CSMD1: variants seen among roughly 807,000 people sequenced by gnomAD.
CSMD1 encodes the protein CUB and sushi domain-containing protein 1.
In CSMD1, 213 loss-of-function variants were observed where a neutral mutation model predicts 417.5. The ratio of observed to expected loss-of-function variants is 0.51; its 90% CI spans 0.46 to 0.57. The LOEUF (loss-of-function observed/expected upper bound fraction) is 0.57. CSMD1 is among the 20% of genes least tolerant of loss of function. The probability of loss-of-function intolerance (pLI) is 0.00; values close to 1 mark genes in which losing one functional copy is unlikely to be tolerated. For missense variants in CSMD1, 6,923 were observed against 4,529.7 expected, an observed-to-expected ratio of 1.53 and a Z score of -15.17; for synonymous variants, 2,862 against 1,736.8, an observed-to-expected ratio of 1.65 and a Z score of -16.11.
intron 5 of CSMD1, among the ~76,000 whole-genome samples, chr8:3,905,334 C>T (rs187751823): frequency 1.6e-4 from 24 of 152,124 alleles, no homozygotes; most frequent in African/African-American, 5.3e-4. Context: ...ATCTTAAATC[C>T]AACATAAAAG....
intron 3 of CSMD1, among the ~76,000 whole-genome samples, chr8:4,284,678 T>C (rs530041137): frequency 6.6e-6 from 1 of 152,154 alleles, no homozygotes; most frequent in Non-Finnish European, 1.5e-5. Context: ...CACAACACTC[T>C]TGACAGATAT....
intron 25 of CSMD1, among the ~76,000 whole-genome samples, chr8:3,292,791 C>T (rs370757726): frequency 1.3e-5 from 2 of 152,078 alleles, no homozygotes; most frequent in Admixed American, 6.5e-5. Context: ...ATTTGCCAGT[C>T]TCTGTCTTTT....
At chr8:3,072,448 A>G (rs1363352836) in intron 49 of CSMD1, among the ~76,000 whole-genome samples, 2 of 152,210 alleles carry the variant, frequency 1.3e-5, no homozygotes, top group Non-Finnish European at 2.9e-5. Flanking sequence ...CAATATGCCA[A>G]GGAGGTATTA....
intron 3 of CSMD1, among the ~76,000 whole-genome samples, chr8:4,044,086 G>T (rs567615453): frequency 6.6e-6 from 1 of 152,114 alleles, no homozygotes; most frequent in African/African-American, 2.4e-5. Context: ...CCCATTGCTT[G>T]TCTCTGTGAT....
chr8:3,825,585 G>GC (rs1554450458), intron 5 of CSMD1, among the ~76,000 whole-genome samples: 1 of 151,774 alleles, frequency 6.6e-6, no homozygotes, highest in African/African-American at 2.4e-5. Context: ...ACCTAGAAGA[G>GC]TGGGGGAAGG....
intron 8 of CSMD1, among the ~76,000 whole-genome samples, chr8:3,601,904 G>C (rs1197825446): frequency 6.6e-6 from 1 of 152,150 alleles, no homozygotes; most frequent in Non-Finnish European, 1.5e-5. Flanking sequence ...CTGCCCTAGA[G>C]AGAGAGAGGG....
intron 3 of CSMD1, among the ~76,000 whole-genome samples, chr8:4,175,232 A>G (rs1797978271): frequency 1.3e-5 from 2 of 152,140 alleles, no homozygotes; most frequent in African/African-American, 2.4e-5. Flanking sequence ...TGATCTCACA[A>G]TGTCAACCAA....
intron 5 of CSMD1, among the ~76,000 whole-genome samples, chr8:3,816,281 G>T (rs1394801463): frequency 4.6e-5 from 7 of 152,156 alleles, no homozygotes; most frequent in African/African-American, 1.2e-4. Flanking sequence ...AAACTAGCCA[G>T]TTGTTCCTCA....
At position 3,534,011 on chromosome 8, in the gene CSMD1, C is replaced by T. The variant is rs137868370; in HGVS notation, c.1345-40285G>A. On this transcript the variant is annotated intron_variant, in intron 10 of 69. Transcript: ENST00000635120. ...TATTTATATTTTAAATCTACTTTTGCGGAAGAAGAATATTCTATGAATAAA... is the reference window on the plus strand; with the variant it reads ...TATTTATATTTTAAATCTACTTTTGTGGAAGAAGAATATTCTATGAATAAA... Among the ~76,000 whole-genome samples the T allele has an allele frequency of 2.9e-4, 44 of 152,148 alleles. 1 individual carries two copies. Among genetic ancestry groups the T allele is most frequent in the Middle Eastern group, 3.4e-3 (1 of 294 alleles).
At chr8:4,431,496 A>G (rs1358417711) in intron 2 of CSMD1, among the ~76,000 whole-genome samples, 4 of 152,134 alleles carry the variant, frequency 2.6e-5, no homozygotes, top group African/African-American at 9.6e-5. Flanking sequence ...GAGACCAAGT[A>G]GAGACCAATT....
At chr8:4,742,323 C>G (rs900867116) in intron 1 of CSMD1, among the ~76,000 whole-genome samples, 1 of 151,924 alleles carries the variant, frequency 6.6e-6, no homozygotes, top group African/African-American at 2.4e-5. Context: ...AGCCACTGCA[C>G]CTGACCAAGG....
intron 27 of CSMD1, among the ~76,000 whole-genome samples, chr8:3,224,143 A>G (rs547550909): frequency 6.6e-6 from 1 of 152,318 alleles, no homozygotes; most frequent in African/African-American, 2.4e-5. Context: ...TTTCTTTCCT[A>G]TAATTTAAAA....
intron 5 of CSMD1, among the ~76,000 whole-genome samples, chr8:3,936,317 A>AGTG: frequency 6.6e-6 from 1 of 152,324 alleles, no homozygotes; most frequent in East Asian, 1.9e-4. Context: ...TAAAAGGCAG[A>AGTG]TATTGAGTGT....
At chr8:4,100,657 G>A (rs1050364974) in intron 3 of CSMD1, among the ~76,000 whole-genome samples, 25 of 152,062 alleles carry the variant, frequency 1.6e-4, no homozygotes, top group Non-Finnish European at 3.4e-4. Flanking sequence ...TTCGATGATG[G>A]AAAAAGGGTG....
At chr8:4,617,620 C>G (rs1801544828) in intron 2 of CSMD1, among the ~76,000 whole-genome samples, 1 of 152,178 alleles carries the variant, frequency 6.6e-6, no homozygotes, top group African/African-American at 2.4e-5. Flanking sequence ...AGTAAGCTCA[C>G]TGGAAATACT....
chr8:2,950,092 A>C, intron 67 of CSMD1, 139 bp downstream of exon 67: 3 of 617,522 alleles, frequency 4.9e-6, no homozygotes, highest in Non-Finnish European at 8.9e-6. Context: ...CACTCTGTCA[A>C]GAAGAGGGGC....
At chr8:4,283,947 G>C (rs1257874639) in intron 3 of CSMD1, among the ~76,000 whole-genome samples, 3 of 152,128 alleles carry the variant, frequency 2.0e-5, no homozygotes, top group African/African-American at 4.8e-5. Context: ...TTAACAATAA[G>C]TTTGGCCAGG....
At chr8:4,582,482 C>T (rs1235414802) in intron 2 of CSMD1, among the ~76,000 whole-genome samples, 1 of 152,176 alleles carries the variant, frequency 6.6e-6, no homozygotes, top group Admixed American at 6.5e-5. Flanking sequence ...ACTCTTTCCT[C>T]CAGGCACCAG....
chr8:3,108,585 G>A lies in CSMD1; in HGVS notation c.6754+18C>T, dbSNP rs150273067. 317 of 1,612,622 alleles carry A rather than the reference G, an allele frequency of 2.0e-4. 6 individuals are homozygous for A. In the African/African-American group the frequency reaches 3.4e-3, roughly 17 times the overall value. ...ATGGAATTCTCAGTCTTAACTAACG[G>A]AGTGAAAATCAACTGACCGTGGAAA... On this transcript the variant is annotated intron_variant, in intron 44 of 69. Transcript: ENST00000635120.
Sources: allele counts gnomAD v4.1 joint callset (sites outside exome capture counted in the v4.1 genomes callset), GRCh38; gene constraint gnomAD v4.1.1; transcripts MANE v1.5; gene names NCBI Gene and HGNC (gene_info 2026-07-23, HGNC 2026-07-21).